The following FRMD4A variants were observed in gnomAD, a reference collection of about 807,000 sequenced individuals.
FRMD4A encodes FERM domain containing 4A, also known as FERM domain-containing protein 4A.
Under a neutral mutation model 129.1 loss-of-function variants are expected in FRMD4A, and 29 were observed. The observed-to-expected ratio is 0.22, with a 90% confidence interval of 0.17 to 0.31. FRMD4A has a LOEUF of 0.31. FRMD4A is among the 10% of genes least tolerant of loss of function. The probability of loss-of-function intolerance (pLI) is 1.00; values close to 1 mark genes in which losing one functional copy is unlikely to be tolerated. For synonymous variants in FRMD4A, 634 were observed against 571.6 expected (o/e 1.11, Z -1.56); for missense variants, 1,272 against 1,375.8 (o/e 0.92, Z 1.19).
rs574194356 is a variant in FRMD4A, at chr10:14,267,859, T to C, written c.45+62199A>G. On this transcript the variant is annotated intron_variant, in intron 2 of 24. Coordinates refer to ENST00000357447, the MANE Select transcript of FRMD4A (RefSeq NM_018027.5). ...TAGATACCTAATCACTCTGTAGGAT[T>C]GTTTTATAGGAAATAATGCATTCTA... 1.1e-4 allele frequency among the ~76,000 whole-genome samples: 16 copies of C among 152,324 alleles called. No homozygotes were observed. In the South Asian group the frequency reaches 3.1e-3, roughly 30 times the overall value.
intron 2 of FRMD4A, among the ~76,000 whole-genome samples, chr10:14,268,556 T>G (rs1219073111): frequency 6.6e-6 from 1 of 152,230 alleles, no homozygotes; most frequent in African/African-American, 2.4e-5. Context: ...AGCAGTGAAA[T>G]AGCTGCAGTT....
At chr10:13,740,323 T>C in intron 10 of FRMD4A, 72 bp from the exon 11 acceptor site, 1 of 1,040,594 alleles carries the variant, frequency 9.6e-7, no homozygotes, top group Non-Finnish European at 1.5e-6. Flanking sequence ...GCAGATCTGG[T>C]ATCATATATA....
chr10:13,648,281 A>G (rs2081278006), intron 24 of FRMD4A: 1 of 152,208 alleles, frequency 6.6e-6, no homozygotes, highest in African/African-American at 2.4e-5. Flanking sequence ...TACTATATGT[A>G]GGTGGTATGT....
At chr10:13,772,661 A>G (rs923970842) in intron 6 of FRMD4A, among the ~76,000 whole-genome samples, 3 of 152,178 alleles carry the variant, frequency 2.0e-5, no homozygotes, top group African/African-American at 7.2e-5. Flanking sequence ...CCATCCCAGG[A>G]AGGAATGGGA....
At chr10:13,893,226 G>A (rs1289134553) in intron 2 of FRMD4A, among the ~76,000 whole-genome samples, 2 of 151,982 alleles carry the variant, frequency 1.3e-5, no homozygotes, top group South Asian at 4.2e-4. Flanking sequence ...TTGTAGAGAC[G>A]GGATCTTGTC....
intron 3 of FRMD4A, among the ~76,000 whole-genome samples, chr10:13,816,485 T>G (rs566131147): frequency 6.6e-6 from 1 of 152,372 alleles, no homozygotes; most frequent in African/African-American, 2.4e-5. Flanking sequence ...TAGCCTATCC[T>G]GATTGATTCA....
rs534478936 is a variant in FRMD4A, at chr10:14,132,926, G to A, written c.45+197132C>T. On this transcript the variant is annotated intron_variant, in intron 2 of 24. Transcript: ENST00000357447. ...AGATTCAGCAACAATATTTCCTGGTGCCATTAGAATTCTAAAGACAAGGCA... is the reference window on the plus strand; with the variant it reads ...AGATTCAGCAACAATATTTCCTGGTACCATTAGAATTCTAAAGACAAGGCA... Among the ~76,000 whole-genome samples the A allele has an allele frequency of 2.6e-5, 4 of 152,308 alleles. No homozygotes were observed. The South Asian group carries it at 8.3e-4, about 32-fold the overall frequency.
At chr10:13,729,523 T>C (rs1379953705) in intron 12 of FRMD4A, 1 of 152,246 alleles carries the variant, frequency 6.6e-6, no homozygotes, top group African/African-American at 2.4e-5. Flanking sequence ...GTAAATATTA[T>C]TTTCCCTTCC....
chr10:13,844,379 T>C (rs148467793), intron 3 of FRMD4A, among the ~76,000 whole-genome samples: 238 of 152,336 alleles, frequency 1.6e-3, no homozygotes, highest in Admixed American at 2.5e-3. Context: ...GAGGTCATTA[T>C]CCTTTTGGAG....
chr10:14,264,368 C>T (rs370317828), intron 2 of FRMD4A, among the ~76,000 whole-genome samples: 30 of 152,222 alleles, frequency 2.0e-4, no homozygotes, highest in East Asian at 9.7e-4. Context: ...TCCATGCAAC[C>T]GCTGATTAAT....
At chr10:13,922,393 G>T (rs2095083432) in intron 2 of FRMD4A, among the ~76,000 whole-genome samples, 1 of 152,038 alleles carries the variant, frequency 6.6e-6, no homozygotes. Context: ...AGTATTAAAT[G>T]ATCTTATACA....
chr10:13,875,542 G>A (rs1448681973), intron 2 of FRMD4A, among the ~76,000 whole-genome samples: 2 of 152,174 alleles, frequency 1.3e-5, no homozygotes, highest in Admixed American at 6.6e-5. Context: ...CTTCACGCAC[G>A]TGCTAGAAGC....
At chr10:13,953,455 T>C (rs2095387397) in intron 2 of FRMD4A, among the ~76,000 whole-genome samples, 1 of 152,112 alleles carries the variant, frequency 6.6e-6, no homozygotes, top group Non-Finnish European at 1.5e-5. Flanking sequence ...GAAATAAGAA[T>C]TCATAAGTTT....
chr10:14,202,067 G>C (rs145800697), intron 2 of FRMD4A, among the ~76,000 whole-genome samples: 3 of 152,088 alleles, frequency 2.0e-5, no homozygotes, highest in Non-Finnish European at 2.9e-5. Flanking sequence ...GAACCCGGGA[G>C]GGGGAGGTTG....
chr10:13,691,138 C>A (rs2085650820), intron 15 of FRMD4A, among the ~76,000 whole-genome samples: 1 of 152,184 alleles, frequency 6.6e-6, no homozygotes, highest in African/African-American at 2.4e-5. Flanking sequence ...CAGGTGTGCA[C>A]CACCATGCCT....
rs59181140 is a variant in FRMD4A at position 13,993,840 on chromosome 10, GT to G, written c.46-134929del. 1.8e-3 allele frequency among the ~76,000 whole-genome samples: 262 copies of G among 149,352 alleles called. 1 individual carries two copies. The highest frequency in any genetic ancestry group is 5.4e-3 in the African/African-American group (222 of 40,788). On this transcript the variant is annotated intron_variant, in intron 2 of 24. Transcript: ENST00000357447. ...ATTTGCATTTGACCTGTCAGAATAG[GT>G]TTTTTTTTTTTAAAAAAATATATAT... is the stretch of plus-strand genomic sequence containing the variant.
intron 2 of FRMD4A, among the ~76,000 whole-genome samples, chr10:14,138,443 T>G (rs891049103): frequency 6.6e-6 from 1 of 152,178 alleles, no homozygotes; most frequent in African/African-American, 2.4e-5. Flanking sequence ...TCCTAACGCG[T>G]TGGGATAATA....
intron 2 of FRMD4A, among the ~76,000 whole-genome samples, chr10:14,127,942 CTT>C (rs1302622029): frequency 7.3e-5 from 1 of 13,686 alleles, no homozygotes; most frequent in Non-Finnish European, 1.3e-4. Context: ...TTCTTTCTTT[CTT>C]TCTTTCTTTC....
intron 5 of FRMD4A, 149 bp from the exon 6 acceptor site, chr10:13,783,155 T>G: frequency 1.6e-6 from 1 of 607,204 alleles, no homozygotes; most frequent in Non-Finnish European, 2.9e-6. Flanking sequence ...TTTTCTATGA[T>G]TCCCTAGGGA....
Sources: allele counts gnomAD v4.1 joint callset (sites outside exome capture counted in the v4.1 genomes callset), GRCh38; gene constraint gnomAD v4.1.1; transcripts MANE v1.5; gene names NCBI Gene and HGNC (gene_info 2026-07-23, HGNC 2026-07-21).